MRM1: variants seen among roughly 807,000 people sequenced by gnomAD.
MRM1 encodes the protein mitochondrial rRNA methyltransferase 1.
MRM1 carries 24 observed loss-of-function variants against 25.0 expected under a neutral mutation model. The ratio of observed to expected loss-of-function variants is 0.96; its 90% CI spans 0.69 to 1.35. The LOEUF (loss-of-function observed/expected upper bound fraction) is 1.35, where lower values mean the gene tolerates loss of function less well. Among genes scored for constraint, MRM1 ranks in the 40% most tolerant of loss-of-function variants. The pLI is 0.00. For synonymous variants in MRM1, 188 were observed against 199.2 expected, an observed-to-expected ratio of 0.94 and a Z score of 0.47; for missense variants, 431 against 464.1, an observed-to-expected ratio of 0.93 and a Z score of 0.65.
At chr17:36,625,654 G>T in the MRM1 span, among the ~76,000 whole-genome samples, 1 of 151,742 alleles carries the variant, frequency 6.6e-6, no homozygotes, top group African/African-American at 2.4e-5. Context: ...TAGAGTTGGG[G>T]TTTCGCCATG....
the MRM1 span, among the ~76,000 whole-genome samples, chr17:36,631,529 C>G: frequency 6.6e-6 from 1 of 152,260 alleles, no homozygotes; most frequent in Non-Finnish European, 1.5e-5. Flanking sequence ...AGGGGCTAAT[C>G]ATGTCTGCTT....
At chr17:36,606,807 C>T (rs573182165) in intron 2 of MRM1, among the ~76,000 whole-genome samples, 2 of 152,054 alleles carry the variant, frequency 1.3e-5, no homozygotes, top group East Asian at 1.9e-4. Flanking sequence ...GACGGAGTTT[C>T]ACCATGTTAG....
Position 36,608,749 on chromosome 17 carries a change from G to C in MRM1, c.*334G>C, listed in dbSNP as rs998116788. 1.0e-5 allele frequency: 3 copies of C among 289,052 alleles called. No homozygotes were observed. Among genetic ancestry groups the C allele is most frequent in the Non-Finnish European group, 1.9e-5 (3 of 156,602 alleles). The allele number at this position is 289,052 out of a possible 1,614,324, so 17.9% of individuals were successfully genotyped here. A position where few individuals can be genotyped will look rare whatever the true frequency, so the allele number is the denominator to read the frequency against. On this transcript the variant is annotated 3_prime_UTR_variant, in exon 5 of 5. Coordinates refer to ENST00000614766, the MANE Select transcript of MRM1 (RefSeq NM_024864.5). The stretch of plus-strand genomic sequence containing the variant: ...GCAGGCAGCCCAGCCCAGGGGACCC[G>C]TTCCTCTTGAACCAGTCATTGCCTG...
rs1434142165 is a variant in MRM1 at position 36,608,449 on chromosome 17, C to G, written c.*34C>G. 4.2e-6 allele frequency: 6 copies of G among 1,427,830 alleles called. No individual in the cohort carries two copies. In the South Asian group the frequency reaches 1.1e-4, roughly 25 times the overall value. The allele number at this position is 1,427,830 out of a possible 1,614,324, so 88.4% of individuals were successfully genotyped here. A position where few individuals can be genotyped will look rare whatever the true frequency, so the allele number is the denominator to read the frequency against. ...GTCCACAGTGTTCATGTGCTGGAGT[C>G]AGGGACGGCCGCACCTGCCTCCGCC... On this transcript the variant is annotated 3_prime_UTR_variant, in exon 5 of 5. Coordinates refer to ENST00000614766, the MANE Select transcript of MRM1 (RefSeq NM_024864.5).
chr17:36,614,922 G>A, the MRM1 span, among the ~76,000 whole-genome samples: 5 of 152,214 alleles, frequency 3.3e-5, no homozygotes, highest in Non-Finnish European at 7.3e-5. Flanking sequence ...CAGGGCCAGA[G>A]CCCTGAGGAC....
At chr17:36,632,967 C>T in the MRM1 span, among the ~76,000 whole-genome samples, 7 of 152,008 alleles carry the variant, frequency 4.6e-5, no homozygotes, top group African/African-American at 1.2e-4. Context: ...AGGGTAAGTG[C>T]GGTAAAACGG....
At chr17:36,627,597 C>CTGCCTCCT in the MRM1 span, among the ~76,000 whole-genome samples, 206 of 151,712 alleles carry the variant, frequency 1.4e-3, no homozygotes, top group Non-Finnish European at 2.6e-3. Flanking sequence ...TTCTTGCCTT[C>CTGCCTCCT]TGCCTCCTTG....
chr17:36,608,551 A>C lies in MRM1; in HGVS notation c.*136A>C. ...ATTGACCACAGTCTGGGGGGGGGGG[A>C]AGGGGACTGCGGTGGACACCAGAGG... is the stretch of plus-strand genomic sequence containing the variant. On this transcript the variant is annotated 3_prime_UTR_variant, in exon 5 of 5. Coordinates refer to ENST00000614766, the MANE Select transcript of MRM1 (RefSeq NM_024864.5). 5.4e-6 allele frequency: 2 copies of C among 373,402 alleles called. No individual in the cohort carries two copies. Among genetic ancestry groups the C allele is most frequent in the East Asian group, 6.2e-5 (1 of 16,218 alleles). The allele number at this position is 373,402 out of a possible 1,614,324, so 23.1% of individuals were successfully genotyped here.
At chr17:36,618,153 T>G in the MRM1 span, among the ~76,000 whole-genome samples, 43 of 151,720 alleles carry the variant, frequency 2.8e-4, no homozygotes, top group African/African-American at 9.7e-4. Context: ...CCTGGGAGTG[T>G]GAGTCCTTAA....
chr17:36,609,916 T>G (rs58251094), downstream of MRM1, among the ~76,000 whole-genome samples: 1 of 152,194 alleles, frequency 6.6e-6, no homozygotes, highest in Non-Finnish European at 1.5e-5. Context: ...TAAAGTTGTT[T>G]AAAAAGGGCC....
chr17:36,633,036 A>C, the MRM1 span, among the ~76,000 whole-genome samples: 21 of 152,246 alleles, frequency 1.4e-4, no homozygotes, highest in Non-Finnish European at 2.8e-4. Flanking sequence ...TATTGGGAAA[A>C]GAGTAGGAGG....
At chr17:36,623,012 G>A in the MRM1 span, among the ~76,000 whole-genome samples, 1 of 152,224 alleles carries the variant, frequency 6.6e-6, no homozygotes, top group Non-Finnish European at 1.5e-5. Context: ...CACGCCCCAG[G>A]GTGGGCATCT....
chr17:36,622,987 C>T, the MRM1 span, among the ~76,000 whole-genome samples: 1 of 152,226 alleles, frequency 6.6e-6, no homozygotes, highest in East Asian at 1.9e-4. Flanking sequence ...CCCTCCAAGC[C>T]CTGGGACACT....
chr17:36,629,912 G>A, the MRM1 span, among the ~76,000 whole-genome samples: 1 of 152,190 alleles, frequency 6.6e-6, no homozygotes, highest in Non-Finnish European at 1.5e-5. Context: ...AGGCATGGGG[G>A]CTTGTTTACA....
chr17:36,634,318 C>T, the MRM1 span: 17 of 152,356 alleles, frequency 1.1e-4, no homozygotes, highest in African/African-American at 4.1e-4. Context: ...AACTGGCTTT[C>T]ACATCTGCGA....
chr17:36,613,201 T>TC (rs1000577145), downstream of MRM1, among the ~76,000 whole-genome samples: 3 of 151,642 alleles, frequency 2.0e-5, no homozygotes, highest in African/African-American at 7.3e-5. Context: ...TCAATCCCCC[T>TC]CCCCCTAGGT....
Position 36,602,203 on chromosome 17 carries a change from G to C in MRM1, c.393G>C (p.Trp131Cys). ...MEVSPLRPRP[W>C]REAGEASPGD... is the part of the protein sequence containing the mutation. ...TGAGCCCGCTGCGGCCCCGGCCTTG[G>C]AGAGAGGCCGGGGAGGCGAGCCCAG... The change falls in exon 1 of 5, where the codon TGG becomes TGC. Residue 131 changes from tryptophan (W) to cysteine (C), a missense_variant. Transcript: ENST00000614766. The surrounding 1 kb of genome is among the most constrained non-coding windows in gnomAD (Gnocchi z 4.1). 5 of 1,610,872 alleles carry C rather than the reference G, an allele frequency of 3.1e-6. No homozygotes were observed. Among genetic ancestry groups the C allele is most frequent in the East Asian group, 2.2e-5 (1 of 44,760 alleles).
chr17:36,631,376 G>A, the MRM1 span, among the ~76,000 whole-genome samples: 1 of 152,228 alleles, frequency 6.6e-6, no homozygotes, highest in Non-Finnish European at 1.5e-5. Context: ...ACACATGTGT[G>A]CATGTATTTG....
intron 2 of MRM1, among the ~76,000 whole-genome samples, chr17:36,606,926 T>TA (rs1555612069): frequency 1.4e-5 from 2 of 145,178 alleles, no homozygotes; most frequent in African/African-American, 5.1e-5. Context: ...TTTTTTTTTT[T>TA]AATTTGAGAT....
Sources: gnomAD v4.1 joint callset for allele counts (sites outside exome capture counted in the v4.1 genomes callset) on GRCh38, gnomAD v4.1.1 for gene constraint, Gnocchi (gnomAD v3.1) non-coding constraint, MANE v1.5 for transcripts, NCBI Gene and HGNC (gene_info 2026-07-23, HGNC 2026-07-21) for gene names.